EXOC4: variants seen among roughly 807,000 people sequenced by gnomAD.
The protein encoded by EXOC4 is SEC8-like 1.
In EXOC4, 71 loss-of-function variants were observed where a neutral mutation model predicts 107.2. The observed-to-expected ratio is 0.66, with a 90% CI of 0.55 to 0.81. EXOC4 has a LOEUF of 0.81. Ranked by LOEUF, EXOC4 falls within the 30% of genes least tolerant of loss-of-function variation. EXOC4 has a pLI of 0.00. For missense variants in EXOC4, 1,108 were observed against 1,189.6 expected (o/e 0.93, Z 1.01); for synonymous variants, 456 against 441.2 (o/e 1.03, Z -0.42).
intron 10 of EXOC4, among the ~76,000 whole-genome samples, chr7:133,763,769 T>C (rs534760839): frequency 6.6e-6 from 1 of 151,996 alleles, no homozygotes; most frequent in African/African-American, 2.4e-5. Context: ...TGTTTTGTTT[T>C]GTTTTTGTTT....
At chr7:133,887,151 G>A (rs554487249) in intron 11 of EXOC4, among the ~76,000 whole-genome samples, 9 of 152,274 alleles carry the variant, frequency 5.9e-5, no homozygotes, top group South Asian at 2.1e-4. Context: ...AGAGGTGTTC[G>A]CAGTCATCCC....
intron 6 of EXOC4, among the ~76,000 whole-genome samples, chr7:133,362,242 A>C (rs1270752080): frequency 6.6e-6 from 1 of 152,140 alleles, no homozygotes; most frequent in Admixed American, 6.5e-5. Context: ...ATATAGTCTC[A>C]TTCTTAATAT....
At chr7:133,430,119 A>G (rs1280567715) in intron 7 of EXOC4, among the ~76,000 whole-genome samples, 1 of 152,166 alleles carries the variant, frequency 6.6e-6, no homozygotes, top group African/African-American at 2.4e-5. Flanking sequence ...GATTTTATTG[A>G]GTGATGGAAG....
At chr7:133,695,531 T>C (rs1794515825) in intron 10 of EXOC4, among the ~76,000 whole-genome samples, 1 of 152,164 alleles carries the variant, frequency 6.6e-6, no homozygotes, top group Non-Finnish European at 1.5e-5. Context: ...GGTTTCCACA[T>C]TTCACTTTCA....
intron 10 of EXOC4, among the ~76,000 whole-genome samples, chr7:133,795,782 A>G (rs901217433): frequency 6.6e-6 from 1 of 152,218 alleles, no homozygotes; most frequent in African/African-American, 2.4e-5. Flanking sequence ...CATCTCTATC[A>G]ACCGTGTAGT....
intron 5 of EXOC4, among the ~76,000 whole-genome samples, chr7:133,347,464 G>A (rs1328845476): frequency 6.6e-6 from 1 of 151,440 alleles, no homozygotes; most frequent in Non-Finnish European, 1.5e-5. Flanking sequence ...GGATGGTCTC[G>A]ATCTCTTGAC....
At chr7:133,322,699 A>G (rs1234663967) in intron 5 of EXOC4, among the ~76,000 whole-genome samples, 2 of 152,118 alleles carry the variant, frequency 1.3e-5, no homozygotes, top group Non-Finnish European at 2.9e-5. Context: ...TTGGCTATGC[A>G]GGCTCTTTTT....
chr7:133,674,124 TAA>T, intron 10 of EXOC4, among the ~76,000 whole-genome samples: 1 of 152,324 alleles, frequency 6.6e-6, no homozygotes, highest in African/African-American at 2.4e-5. Flanking sequence ...CTTGAATGAT[TAA>T]AAGTCACATG....
intron 5 of EXOC4, among the ~76,000 whole-genome samples, chr7:133,324,845 A>G (rs1367481791): frequency 1.3e-5 from 2 of 152,182 alleles, no homozygotes; most frequent in Non-Finnish European, 2.9e-5. Flanking sequence ...GTGGGAGTCT[A>G]AGCCTCTTTG....
At chr7:133,560,629 A>G (rs1273267156) in intron 9 of EXOC4, among the ~76,000 whole-genome samples, 1 of 152,314 alleles carries the variant, frequency 6.6e-6, no homozygotes, top group East Asian at 1.9e-4. Flanking sequence ...ATTTAAAAAA[A>G]TCTTTCTTTT....
At chr7:133,846,588 G>C (rs1798131759) in intron 11 of EXOC4, among the ~76,000 whole-genome samples, 1 of 152,234 alleles carries the variant, frequency 6.6e-6, no homozygotes, top group African/African-American at 2.4e-5. Flanking sequence ...AGGAATTCAG[G>C]ACCATTCAAC....
chr7:133,809,096 A>G (rs1390754213), intron 10 of EXOC4, among the ~76,000 whole-genome samples: 1 of 152,172 alleles, frequency 6.6e-6, no homozygotes, highest in Non-Finnish European at 1.5e-5. Flanking sequence ...TTTGTAACTC[A>G]TGTATCATTC....
intron 9 of EXOC4, among the ~76,000 whole-genome samples, chr7:133,528,907 C>A (rs916997767): frequency 5.3e-5 from 8 of 152,140 alleles, no homozygotes; most frequent in Non-Finnish European, 1.0e-4. Context: ...TTGCCCTGCA[C>A]CTCTGGCTCT....
intron 15 of EXOC4, among the ~76,000 whole-genome samples, chr7:134,003,517 T>A (rs73442633): frequency 0.018 from 2,717 of 152,266 alleles, 106 homozygotes; most frequent in African/African-American, 0.062. Flanking sequence ...GAGATAATAA[T>A]GCCCAAGGCT....
At chr7:133,430,754 G>A (rs1410533822) in intron 7 of EXOC4, among the ~76,000 whole-genome samples, 3 of 152,108 alleles carry the variant, frequency 2.0e-5, no homozygotes, top group African/African-American at 7.2e-5. Context: ...TATTTGAAAT[G>A]TAACTGATTT....
At chr7:133,697,738 G>A (rs1326560458) in intron 10 of EXOC4, among the ~76,000 whole-genome samples, 1 of 152,158 alleles carries the variant, frequency 6.6e-6, no homozygotes, top group Non-Finnish European at 1.5e-5. Context: ...TGGGTGGAAA[G>A]TCCCTAAGTG....
chr7:133,861,249 G>A (rs1462073396), intron 11 of EXOC4, among the ~76,000 whole-genome samples: 1 of 151,978 alleles, frequency 6.6e-6, no homozygotes, highest in African/African-American at 2.4e-5. Flanking sequence ...CTTAAATTTG[G>A]GTGCATGAGA....
chr7:133,801,621 G>A (rs1463213077), intron 10 of EXOC4, among the ~76,000 whole-genome samples: 3 of 152,190 alleles, frequency 2.0e-5, no homozygotes, highest in Non-Finnish European at 4.4e-5. Context: ...GGGTAATTGT[G>A]CTGTTAGGGG....
chr7:133,453,160 G>A (rs1423838608), intron 7 of EXOC4, among the ~76,000 whole-genome samples: 1 of 152,164 alleles, frequency 6.6e-6, no homozygotes, highest in East Asian at 1.9e-4. Context: ...AAATAATACA[G>A]CAAGGTTATA....
Sources: allele counts gnomAD v4.1 joint callset (sites outside exome capture counted in the v4.1 genomes callset), GRCh38; gene constraint gnomAD v4.1.1; transcripts MANE v1.5; gene names NCBI Gene and HGNC (gene_info 2026-07-23, HGNC 2026-07-21).